NLGN1: variants seen among roughly 807,000 people sequenced by gnomAD.
The protein encoded by NLGN1 is neuroligin 1.
Under a neutral mutation model 65.5 loss-of-function variants are expected in NLGN1, and 12 were observed. The observed-to-expected ratio is 0.18, with a 90% CI of 0.12 to 0.30. NLGN1 has a LOEUF of 0.30. Among genes scored for constraint, NLGN1 ranks in the 10% least tolerant of loss-of-function variants. NLGN1 has a pLI of 1.00. For missense variants in NLGN1, 750 were observed against 1,007.1 expected (o/e 0.74, Z 3.46); for synonymous variants, 350 against 359.5 (o/e 0.97, Z 0.30).
intron 4 of NLGN1, among the ~76,000 whole-genome samples, chr3:174,056,103 A>G (rs1030766435): frequency 5.9e-5 from 9 of 152,046 alleles, no homozygotes; most frequent in Non-Finnish European, 1.3e-4. Flanking sequence ...CCCTTTAAAG[A>G]TGTATAACCT....
At chr3:173,735,711 G>A (rs9875926) in intron 3 of NLGN1, among the ~76,000 whole-genome samples, 132,320 of 151,922 alleles carry the variant, frequency 0.87, 57,723 homozygotes, top group East Asian at 1. Context: ...AGGAGGCTGT[G>A]TAATAATTTT....
At chr3:173,511,332 C>T (rs1349603229) in intron 2 of NLGN1, among the ~76,000 whole-genome samples, 10 of 152,156 alleles carry the variant, frequency 6.6e-5, no homozygotes, top group Admixed American at 6.5e-4. Flanking sequence ...CTCACCACCT[C>T]CCCCATTATT....
chr3:173,798,100 G>A (rs1447284500), intron 3 of NLGN1, among the ~76,000 whole-genome samples: 1 of 152,056 alleles, frequency 6.6e-6, no homozygotes, highest in Non-Finnish European at 1.5e-5. Context: ...ATTTAATTGT[G>A]ATAGATTTTA....
chr3:173,754,288 C>T lies in NLGN1; in HGVS notation c.494-53392C>T, dbSNP rs370191801. ...GTCTTCTGAACTCAAGCAATCTACC[C>T]GCCTTGGGCTTCCAAAGTGCTGGGA... is the stretch of plus-strand genomic sequence containing the variant. On this transcript the variant is annotated intron_variant, in intron 3 of 6. Transcript: ENST00000457714. 5.4e-4 allele frequency among the ~76,000 whole-genome samples: 82 copies of T among 151,944 alleles called. No individual in the cohort carries two copies. The East Asian group carries it at 9.2e-3, about 17-fold the overall frequency.
intron 3 of NLGN1, among the ~76,000 whole-genome samples, chr3:173,657,892 A>G (rs1210587878): frequency 6.6e-6 from 1 of 151,750 alleles, no homozygotes. Context: ...CCTTTTTTTC[A>G]TATAAAATCT....
intron 2 of NLGN1, among the ~76,000 whole-genome samples, chr3:173,555,907 C>T (rs1741634766): frequency 6.6e-6 from 1 of 152,116 alleles, no homozygotes; most frequent in African/African-American, 2.4e-5. Flanking sequence ...TTTGAAAATT[C>T]AACAATAAAG....
At chr3:173,541,401 T>A (rs1738836771) in intron 2 of NLGN1, among the ~76,000 whole-genome samples, 1 of 152,120 alleles carries the variant, frequency 6.6e-6, no homozygotes, top group South Asian at 2.1e-4. Context: ...TAAGGCTTTG[T>A]GACTTGGGTG....
intron 3 of NLGN1, among the ~76,000 whole-genome samples, chr3:173,728,517 C>G (rs1302567221): frequency 1.3e-5 from 2 of 151,870 alleles, no homozygotes; most frequent in Non-Finnish European, 2.9e-5. Flanking sequence ...AATAGTGCCC[C>G]CCCTCCAACA....
intron 4 of NLGN1, among the ~76,000 whole-genome samples, chr3:173,929,385 T>C (rs1417224573): frequency 6.6e-6 from 1 of 152,198 alleles, no homozygotes; most frequent in East Asian, 1.9e-4. Flanking sequence ...AATAACCAGC[T>C]AAGTTGTATG....
At position 173,604,268 on chromosome 3, in the gene NLGN1, A is replaced by C. The variant is rs1488555257; in HGVS notation, c.-320-11A>C. 1 of 262,762 alleles carries C rather than the reference A, an allele frequency of 3.8e-6. No individual in the cohort carries two copies. The highest frequency in any genetic ancestry group is 4.9e-5 in the Admixed American group (1 of 20,414). 16.3% of individuals were successfully genotyped at this position (262,762 alleles called of 1,614,324 possible). On this transcript the variant is annotated splice_polypyrimidine_tract_variant and intron_variant, in intron 2 of 6. Transcript: ENST00000457714. ...TTGTTCCAGCTCATGATTTATTTTCATTTTTTCTAGGATATAGACCTGCAG... is the reference window on the plus strand; with the variant it reads ...TTGTTCCAGCTCATGATTTATTTTCCTTTTTTCTAGGATATAGACCTGCAG...
At chr3:173,911,941 A>C (rs1739687216) in intron 4 of NLGN1, among the ~76,000 whole-genome samples, 2 of 152,346 alleles carry the variant, frequency 1.3e-5, no homozygotes, top group South Asian at 4.1e-4. Context: ...AGTTGCAAAC[A>C]ACAAGAATTT....
At chr3:173,555,134 T>G (rs1741505901) in intron 2 of NLGN1, among the ~76,000 whole-genome samples, 2 of 152,216 alleles carry the variant, frequency 1.3e-5, no homozygotes, top group Admixed American at 1.3e-4. Flanking sequence ...CTTAATATAT[T>G]ATAGAAGTAA....
At chr3:173,624,372 A>C (rs1302048404) in intron 3 of NLGN1, among the ~76,000 whole-genome samples, 1 of 152,130 alleles carries the variant, frequency 6.6e-6, no homozygotes, top group Admixed American at 6.6e-5. Context: ...TCATGCATGG[A>C]TTTAATGTAG....
At chr3:173,547,460 C>A (rs1740061211) in intron 2 of NLGN1, among the ~76,000 whole-genome samples, 1 of 152,088 alleles carries the variant, frequency 6.6e-6, no homozygotes, top group Non-Finnish European at 1.5e-5. Flanking sequence ...CCTGAAGGGT[C>A]TCTGCAACGC....
intron 4 of NLGN1, among the ~76,000 whole-genome samples, chr3:174,040,765 A>G (rs2152488693): frequency 6.6e-6 from 1 of 152,284 alleles, no homozygotes; most frequent in East Asian, 1.9e-4. Flanking sequence ...TCAAACATTA[A>G]TAAAGCCAAA....
chr3:174,056,804 G>A (rs946981986), intron 4 of NLGN1, among the ~76,000 whole-genome samples: 3 of 151,798 alleles, frequency 2.0e-5, no homozygotes, highest in South Asian at 2.1e-4. Flanking sequence ...CACTTATTAC[G>A]GTAAACATGA....
chr3:174,266,164 A>T (rs1348709242), intron 4 of NLGN1, among the ~76,000 whole-genome samples: 2 of 151,848 alleles, frequency 1.3e-5, no homozygotes, highest in Non-Finnish European at 2.9e-5. Flanking sequence ...GAGCAAGGTA[A>T]TGAACATAGT....
At chr3:174,237,279 T>C (rs1218954958) in intron 4 of NLGN1, among the ~76,000 whole-genome samples, 5 of 152,200 alleles carry the variant, frequency 3.3e-5, no homozygotes, top group Admixed American at 3.3e-4. Flanking sequence ...ATTTACAGCT[T>C]ACACAGATTC....
intron 2 of NLGN1, among the ~76,000 whole-genome samples, chr3:173,522,845 A>G (rs914041111): frequency 1.3e-5 from 2 of 152,190 alleles, no homozygotes; most frequent in Admixed American, 6.5e-5. Context: ...AGCTCTCCCT[A>G]CAGTTTTTCA....
Sources: gnomAD v4.1 joint callset for allele counts (sites outside exome capture counted in the v4.1 genomes callset) on GRCh38, gnomAD v4.1.1 for gene constraint, MANE v1.5 for transcripts, NCBI Gene and HGNC (gene_info 2026-07-23, HGNC 2026-07-21) for gene names.